Variants in PCDHAC1 observed in about 807,000 individuals in gnomAD.
PCDHAC1 encodes the protein protocadherin alpha subfamily C, 1.
In PCDHAC1, 42 loss-of-function variants were observed where a neutral mutation model predicts 60.0. The ratio of observed to expected loss-of-function variants is 0.70; its 90% CI spans 0.55 to 0.90. PCDHAC1 has a LOEUF of 0.90. Among genes scored for constraint, PCDHAC1 ranks in the 40% least tolerant of loss-of-function variants. The probability of loss-of-function intolerance (pLI) is 0.00; values close to 1 mark genes in which losing one functional copy is unlikely to be tolerated. For missense variants in PCDHAC1, 1,160 were observed against 1,222.3 expected (o/e 0.95, Z 0.76); for synonymous variants, 468 against 499.3 (o/e 0.94, Z 0.84).
chr5:140,952,215 C>T (rs2094705548), intron 1 of PCDHAC1, among the ~76,000 whole-genome samples: 1 of 152,034 alleles, frequency 6.6e-6, no homozygotes, highest in African/African-American at 2.4e-5. Context: ...GCAGCTTTTC[C>T]AGGCACAGTG....
At chr5:140,950,006 G>A (rs2094439907) in intron 1 of PCDHAC1, among the ~76,000 whole-genome samples, 1 of 151,676 alleles carries the variant, frequency 6.6e-6, no homozygotes, top group African/African-American at 2.4e-5. Context: ...ACTTAATAGT[G>A]TACAACCTTC....
rs1554262820 is a variant in PCDHAC1, at chr5:141,010,243, G to A, written c.*306G>A. On this transcript the variant is annotated 3_prime_UTR_variant, in exon 4 of 4. Coordinates refer to ENST00000253807, the MANE Select transcript of PCDHAC1 (RefSeq NM_018898.5). The stretch of plus-strand genomic sequence containing the variant: ...TTCCCAGCCCCGCCAGTGAGAGGTT[G>A]GACTCTCTGCCCTGTGCTCCGGGGA... 1 of 1,551,890 alleles carries A rather than the reference G, an allele frequency of 6.4e-7. No individual in the cohort carries two copies. Among genetic ancestry groups the A allele is most frequent in the Non-Finnish European group, 8.7e-7 (1 of 1,147,036 alleles).
intron 1 of PCDHAC1, chr5:140,967,465 C>T: frequency 1.2e-6 from 2 of 1,613,512 alleles, no homozygotes; most frequent in Non-Finnish European, 1.7e-6. Flanking sequence ...TGGATGGGGG[C>T]ATCCCAGCCC....
chr5:140,926,714 C>G lies in PCDHAC1; in HGVS notation c.-179C>G. On this transcript the variant is annotated 5_prime_UTR_variant, in exon 1 of 4. Coordinates refer to ENST00000253807, the MANE Select transcript of PCDHAC1 (RefSeq NM_018898.5). Reference sequence around the variant, plus strand: ...AGCCCGGCTCCCAGCTGGCCAGCCCCGGCAATGCCGGCGTTCGGGAGGCGC... The same window carrying G: ...AGCCCGGCTCCCAGCTGGCCAGCCCGGGCAATGCCGGCGTTCGGGAGGCGC... The G allele has an allele frequency of 1.1e-6, 1 of 951,084 alleles. No homozygotes were observed. Among genetic ancestry groups the G allele is most frequent in the Non-Finnish European group, 1.4e-6 (1 of 694,940 alleles). The allele number at this position is 951,084 out of a possible 1,614,324, so 58.9% of individuals were successfully genotyped here.
chr5:140,932,125 A>G (rs1272736604), intron 1 of PCDHAC1, among the ~76,000 whole-genome samples: 1 of 151,932 alleles, frequency 6.6e-6, no homozygotes, highest in African/African-American at 2.4e-5. Context: ...ATAATATTTA[A>G]GATATAAACA....
chr5:140,999,505 A>C (rs1221080631), intron 3 of PCDHAC1, among the ~76,000 whole-genome samples: 3 of 152,134 alleles, frequency 2.0e-5, no homozygotes, highest in African/African-American at 7.2e-5. Flanking sequence ...AAGAACCTAC[A>C]TTTTAAGCAT....
chr5:140,946,294 A>G (rs529202868), intron 1 of PCDHAC1, among the ~76,000 whole-genome samples: 1 of 152,056 alleles, frequency 6.6e-6, no homozygotes, highest in Admixed American at 6.5e-5. Flanking sequence ...ATCACCTCAC[A>G]CCTGGTAGAA....
rs1391320223 is a variant in PCDHAC1 at position 140,927,345 on chromosome 5, C to G, written c.453C>G (p.Asp151Glu). 2 of 1,614,012 alleles carry G rather than the reference C, an allele frequency of 1.2e-6. No individual in the cohort carries two copies. Residue 151 changes from aspartate to glutamate, a missense_variant, in exon 1 of 4, where the codon GAC becomes GAG. Coordinates refer to ENST00000253807, the MANE Select transcript of PCDHAC1 (RefSeq NM_018898.5). The stretch of plus-strand genomic sequence containing the variant: ...TTACTCTCCCGAATGCCCAAGATGA[C>G]GACGAGGGAAGCAATGGGATACTAA... ...ARFTLPNAQD[D>E]DEGSNGILSY... is the part of the protein sequence containing the mutation.
At chr5:140,967,060 G>T in intron 1 of PCDHAC1, 1 of 1,612,802 alleles carries the variant, frequency 6.2e-7, no homozygotes, top group Non-Finnish European at 8.5e-7. Flanking sequence ...CGAGTGGAGC[G>T]CTCTTCGTCA....
At chr5:140,942,361 G>A (rs1554214935) in intron 1 of PCDHAC1, among the ~76,000 whole-genome samples, 1 of 151,920 alleles carries the variant, frequency 6.6e-6, no homozygotes, top group East Asian at 1.9e-4. Context: ...GCAGTTAACG[G>A]AGATTGCACC....
At chr5:140,965,291 C>T (rs1227369041) in intron 1 of PCDHAC1, among the ~76,000 whole-genome samples, 1 of 152,154 alleles carries the variant, frequency 6.6e-6, no homozygotes, top group Non-Finnish European at 1.5e-5. Context: ...GGAAAGATTT[C>T]CTCTGATCCT....
chr5:140,994,412 G>C (rs1412198813), intron 3 of PCDHAC1, among the ~76,000 whole-genome samples: 1 of 152,068 alleles, frequency 6.6e-6, no homozygotes, highest in Non-Finnish European at 1.5e-5. Flanking sequence ...ATTTAATACT[G>C]GATATTGAGG....
chr5:140,936,941 T>C (rs547536853), intron 1 of PCDHAC1, among the ~76,000 whole-genome samples: 14 of 152,342 alleles, frequency 9.2e-5, no homozygotes, highest in Non-Finnish European at 1.3e-4. Flanking sequence ...GAAAATATCT[T>C]ATTTTGATCT....
chr5:140,934,043 G>A (rs1241698438), intron 1 of PCDHAC1, among the ~76,000 whole-genome samples: 1 of 151,818 alleles, frequency 6.6e-6, no homozygotes, highest in African/African-American at 2.4e-5. Context: ...AATGATATTA[G>A]TCTTTCCAAG....
intron 3 of PCDHAC1, among the ~76,000 whole-genome samples, chr5:141,005,731 A>AC (rs2098235322): frequency 6.7e-6 from 1 of 149,106 alleles, no homozygotes; most frequent in Non-Finnish European, 1.5e-5. Flanking sequence ...AAAAAAAAAA[A>AC]GAATGGATGA....
chr5:140,979,081 G>A, intron 2 of PCDHAC1, 74 bp downstream of exon 2: 1 of 1,564,866 alleles, frequency 6.4e-7, no homozygotes, highest in South Asian at 1.2e-5. Flanking sequence ...CATCTCCATA[G>A]GCCAGAAGCA....
Position 140,994,560 on chromosome 5 carries a change from C to T in PCDHAC1, c.2581+11997C>T, listed in dbSNP as rs140191916. Among the ~76,000 whole-genome samples, 970 of 152,032 alleles carry T rather than the reference C, an allele frequency of 6.4e-3. 14 individuals carry two copies. Among genetic ancestry groups the T allele is most frequent in the African/African-American group, 0.023 (943 of 41,474 alleles). On this transcript the variant is annotated intron_variant, in intron 3 of 3. Coordinates refer to ENST00000253807, the MANE Select transcript of PCDHAC1 (RefSeq NM_018898.5). ...TCTACAAAAAAAATATAAAAATTAG[C>T]CGGGTGTGGTGGCATGCACTTGTAG...
intron 3 of PCDHAC1, among the ~76,000 whole-genome samples, chr5:141,008,816 C>T (rs2098391999): frequency 6.6e-6 from 1 of 152,190 alleles, no homozygotes; most frequent in African/African-American, 2.4e-5. Context: ...GCTCAATTTA[C>T]AACAGGATTC....
chr5:140,942,601 G>T (rs562403777), intron 1 of PCDHAC1, among the ~76,000 whole-genome samples: 1 of 130,586 alleles, frequency 7.7e-6, no homozygotes, highest in South Asian at 2.4e-4. Flanking sequence ...TAATTATAGT[G>T]TTTATATTTG....
Sources: gnomAD v4.1 joint callset for allele counts (sites outside exome capture counted in the v4.1 genomes callset) on GRCh38, gnomAD v4.1.1 for gene constraint, MANE v1.5 for transcripts, NCBI Gene and HGNC (gene_info 2026-07-23, HGNC 2026-07-21) for gene names.